Variants in MGRN1 observed in about 807,000 individuals in gnomAD.
The protein encoded by MGRN1 is mahogunin ring finger 1, also known as E3 ubiquitin-protein ligase MGRN1.
MGRN1 carries 29 observed loss-of-function variants against 69.2 expected under a neutral mutation model. That is an observed-to-expected ratio of 0.42 (90% CI 0.31 to 0.57). The LOEUF (loss-of-function observed/expected upper bound fraction) is 0.57, where lower values mean the gene tolerates loss of function less well. Ranked by LOEUF, MGRN1 falls within the 20% of genes least tolerant of loss-of-function variation. The pLI, the probability that MGRN1 is intolerant of heterozygous loss-of-function variation, is 0.15. For synonymous variants in MGRN1, 470 were observed against 344.2 expected (o/e 1.37, Z -4.04); for missense variants, 998 against 796.2 (o/e 1.25, Z -3.05).
At chr16:4,647,142 T>G (rs2078291557) in intron 1 of MGRN1, among the ~76,000 whole-genome samples, 1 of 152,352 alleles carries the variant, frequency 6.6e-6, no homozygotes, top group African/African-American at 2.4e-5. Flanking sequence ...TGCCAGCAGC[T>G]AGTGCGGGGG....
At chr16:4,629,772 G>A (rs1330884886) in intron 1 of MGRN1, among the ~76,000 whole-genome samples, 5 of 151,292 alleles carry the variant, frequency 3.3e-5, no homozygotes, top group Non-Finnish European at 7.4e-5. Context: ...GCGGCTGGGT[G>A]TGGTGGTTCA....
chr16:4,661,384 C>G (rs1415283214), intron 5 of MGRN1, among the ~76,000 whole-genome samples: 1 of 152,172 alleles, frequency 6.6e-6, no homozygotes, highest in Non-Finnish European at 1.5e-5. Flanking sequence ...CACCCTCCAG[C>G]CCTCTCCCGG....
chr16:4,664,827 A>G, intron 6 of MGRN1, 52 bp downstream of exon 6: 1 of 1,601,616 alleles, frequency 6.2e-7, no homozygotes, highest in East Asian at 2.2e-5. Flanking sequence ...GCAGGGAGGA[A>G]GCACGTCTTG....
chr16:4,667,045 C>T (rs1012267896), intron 7 of MGRN1, among the ~76,000 whole-genome samples: 2 of 152,174 alleles, frequency 1.3e-5, no homozygotes, highest in Non-Finnish European at 2.9e-5. Context: ...AGCACCCTGC[C>T]GTTGCAGGTC....
rs560328503 is a variant in MGRN1 at position 4,624,857 on chromosome 16, G to C, written c.-104G>C. 2.1e-6 allele frequency: 2 copies of C among 957,066 alleles called. No individual in the cohort carries two copies. The highest frequency in any genetic ancestry group is 2.8e-6 in the Non-Finnish European group (2 of 705,272). The allele number at this position is 957,066 out of a possible 1,614,324, so 59.3% of individuals were successfully genotyped here. On this transcript the variant is annotated 5_prime_UTR_variant, in exon 1 of 17. Transcript: ENST00000262370. The stretch of plus-strand genomic sequence containing the variant: ...TCGAGGCGCCTCCGCGGCCGTGGAC[G>C]AGCGTCCGTGCGGCCTGGTCCGGGC...
intron 1 of MGRN1, among the ~76,000 whole-genome samples, chr16:4,638,229 G>A (rs1482405282): frequency 1.3e-5 from 2 of 152,146 alleles, no homozygotes; most frequent in Non-Finnish European, 2.9e-5. Context: ...CACTTTGGGA[G>A]GCCGAGGCGG....
At chr16:4,679,085 C>T (rs1361651962) in intron 11 of MGRN1, among the ~76,000 whole-genome samples, 1 of 152,190 alleles carries the variant, frequency 6.6e-6, no homozygotes, top group Non-Finnish European at 1.5e-5. Context: ...TCGTGGGGCT[C>T]CTGGCACCAC....
chr16:4,688,435 G>C, intron 16 of MGRN1: 1 of 1,061,742 alleles, frequency 9.4e-7, no homozygotes, highest in African/African-American at 1.7e-5. Context: ...CCAGCCGTAA[G>C]AACCTTGGCA....
chr16:4,642,617 C>T (rs866708443), intron 1 of MGRN1, among the ~76,000 whole-genome samples: 5 of 152,122 alleles, frequency 3.3e-5, no homozygotes, highest in Admixed American at 2.0e-4. Flanking sequence ...AGCCACCGCA[C>T]CCGGCCCTAA....
chr16:4,655,444 C>T (rs1223979887), intron 4 of MGRN1, among the ~76,000 whole-genome samples: 1 of 151,994 alleles, frequency 6.6e-6, no homozygotes, highest in Non-Finnish European at 1.5e-5. Flanking sequence ...AGGCCAGCTT[C>T]CCCTCCCAGC....
intron 16 of MGRN1, chr16:4,686,156 C>T (rs1027667196): frequency 1.0e-4 from 136 of 1,335,468 alleles, no homozygotes; most frequent in Non-Finnish European, 1.3e-4. Context: ...TGTTTCTAGA[C>T]GGCCTCGACC....
intron 13 of MGRN1, among the ~76,000 whole-genome samples, chr16:4,682,288 C>T (rs1462603749): frequency 3.3e-5 from 5 of 152,230 alleles, no homozygotes; most frequent in Admixed American, 2.0e-4. Context: ...ATCACTCATA[C>T]GACAGCCTTC....
chr16:4,662,775 G>A (rs562606327), intron 5 of MGRN1, among the ~76,000 whole-genome samples: 2 of 152,352 alleles, frequency 1.3e-5, no homozygotes, highest in Middle Eastern at 3.4e-3. Flanking sequence ...TTCACGGGGG[G>A]ACAGCAGGGG....
intron 9 of MGRN1, 128 bp from the exon 10 acceptor site, chr16:4,673,370 C>T (rs1596308095): frequency 1.6e-6 from 2 of 1,283,932 alleles, no homozygotes; most frequent in East Asian, 2.3e-5. Context: ...CCCCTCCCCT[C>T]TGGACTTCTC....
At position 4,664,739 on chromosome 16, in the gene MGRN1, C is replaced by G; in HGVS notation, c.592C>G (p.Pro198Ala). 1 of 1,614,196 alleles carries G rather than the reference C, an allele frequency of 6.2e-7. No individual in the cohort carries two copies. Residue 198 changes from proline (P) to alanine (A), a missense_variant, in exon 6 of 17, where the codon CCA becomes GCA. Transcript: ENST00000262370. ...CTTTGACCTGGACCGGGGCGTGTTTCCAGTAGTCATCCAGGCTGTGGTGGA... is the reference window on the plus strand; with the variant it reads ...CTTTGACCTGGACCGGGGCGTGTTTGCAGTAGTCATCCAGGCTGTGGTGGA... ...LNFDLDRGVF[P>A]VVIQAVVDEG...
intron 1 of MGRN1, among the ~76,000 whole-genome samples, chr16:4,643,376 G>A (rs977727162): frequency 6.6e-6 from 1 of 151,014 alleles, no homozygotes; most frequent in African/African-American, 2.4e-5. Context: ...GATTACAGGC[G>A]TGAGCTACTG....
At chr16:4,686,316 C>T in intron 16 of MGRN1, 1 of 1,543,314 alleles carries the variant, frequency 6.5e-7, no homozygotes, top group Non-Finnish European at 8.7e-7. Flanking sequence ...ACGTGACCTC[C>T]CAGACGCGCT....
intron 1 of MGRN1, among the ~76,000 whole-genome samples, chr16:4,645,843 A>T (rs1028571016): frequency 2.0e-5 from 3 of 152,116 alleles, no homozygotes; most frequent in Non-Finnish European, 2.9e-5. Flanking sequence ...GTCCAGAAAC[A>T]ACAGACCTGG....
At position 4,688,972 on chromosome 16, in the gene MGRN1, G is replaced by A. The variant is rs920954650; in HGVS notation, c.*64G>A. ...CCAGACTTTGCCGAGGGGCTGCTCCGGACCCCGTTGTGAGCCGGCCTCCTG... is the reference window on the plus strand; with the variant it reads ...CCAGACTTTGCCGAGGGGCTGCTCCAGACCCCGTTGTGAGCCGGCCTCCTG... On this transcript the variant is annotated 3_prime_UTR_variant, in exon 17 of 17. Transcript: ENST00000262370. 103 of 1,475,314 alleles carry A rather than the reference G, an allele frequency of 7.0e-5. No individual in the cohort carries two copies. Among genetic ancestry groups the A allele is most frequent in the East Asian group, 1.5e-4 (6 of 39,868 alleles). 91.4% of individuals were successfully genotyped at this position (1,475,314 alleles called of 1,614,324 possible). A position where few individuals can be genotyped will look rare whatever the true frequency, so the allele number is the denominator to read the frequency against.
Sources: gnomAD v4.1 joint callset for allele counts (sites outside exome capture counted in the v4.1 genomes callset) on GRCh38, gnomAD v4.1.1 for gene constraint, MANE v1.5 for transcripts, NCBI Gene and HGNC (gene_info 2026-07-23, HGNC 2026-07-21) for gene names.